Variants in PHC2 observed in about 807,000 individuals in gnomAD.
The protein encoded by PHC2 is polyhomeotic-like protein 2.
Under a neutral mutation model 87.4 loss-of-function variants are expected in PHC2, and 29 were observed. The observed-to-expected ratio is 0.33, with a 90% CI of 0.25 to 0.45. The LOEUF (loss-of-function observed/expected upper bound fraction) is 0.45. PHC2 is among the 20% of genes least tolerant of loss of function. The probability of loss-of-function intolerance (pLI) is 1.00; values close to 1 mark genes in which losing one functional copy is unlikely to be tolerated. For missense variants in PHC2, 857 were observed against 1,136.7 expected (o/e 0.75, Z 3.54); for synonymous variants, 438 against 461.7 (o/e 0.95, Z 0.66).
intron 9 of PHC2, among the ~76,000 whole-genome samples, chr1:33,341,687 C>A (rs1646748242): frequency 6.6e-6 from 1 of 152,224 alleles, no homozygotes; most frequent in Non-Finnish European, 1.5e-5. Context: ...ATTTCCCCCA[C>A]AACGAATTTA....
At chr1:33,329,220 T>A in intron 13 of PHC2, 74 bp from the exon 14 acceptor site, 2 of 1,466,008 alleles carry the variant, frequency 1.4e-6, no homozygotes, top group Non-Finnish European at 1.9e-6. Flanking sequence ...AAGGAGGTAT[T>A]TCTCCTTTTT....
intron 1 of PHC2, among the ~76,000 whole-genome samples, chr1:33,379,353 G>A (rs1285876308): frequency 5.1e-5 from 2 of 39,482 alleles, no homozygotes; most frequent in African/African-American, 1.0e-4. Context: ...ACCGCCCCCT[G>A]CCCCCCCCAT....
chr1:33,374,217 A>G (rs1314491793), intron 2 of PHC2, among the ~76,000 whole-genome samples: 3 of 152,112 alleles, frequency 2.0e-5, no homozygotes, highest in Non-Finnish European at 4.4e-5. Context: ...ATGTCAATGA[A>G]GGGAGACAGG....
chr1:33,375,409 T>G lies in PHC2; in HGVS notation c.131A>C (p.Gln44Pro). Reference protein sequence around the residue: ...SGGSGRPTGPQISVYSGIPDR... With the variant: ...SGGSGRPTGPPISVYSGIPDR... ...TGGAATACCACTGTACACAGAAATCTGGGGCCCGGTGGGGCGGCCACTTCC... is the reference window on the plus strand; with the variant it reads ...TGGAATACCACTGTACACAGAAATCGGGGGCCCGGTGGGGCGGCCACTTCC... The change falls in exon 2 of 15, where the codon CAG (glutamine) becomes CCG (proline). Residue 44 changes from glutamine to proline, a missense_variant. By Grantham distance (76) the Gln-to-Pro change is moderately conservative. Around this residue, in one of 3 missense-constraint regions of PHC2, gnomAD observed 832 missense variants for 1,081.8 expected, o/e 0.77. Transcript: ENST00000683057. The G allele has an allele frequency of 6.2e-7, 1 of 1,610,852 alleles. No homozygotes were observed. Among genetic ancestry groups the G allele is most frequent in the Non-Finnish European group, 8.5e-7 (1 of 1,178,422 alleles).
rs183003660 is a variant in PHC2, at chr1:33,329,691, G to C, written c.2148+380C>G. Reference sequence around the variant, plus strand: ...CAAGAACTCTGTGCTCGCGTGTTCAGGGAGGCAAAAAGGTGGCAAAACAAA... The same window carrying C: ...CAAGAACTCTGTGCTCGCGTGTTCACGGAGGCAAAAAGGTGGCAAAACAAA... On this transcript the variant is annotated intron_variant, in intron 13 of 14. Coordinates refer to ENST00000683057, the MANE Select transcript of PHC2 (RefSeq NM_001385109.1). Among the ~76,000 whole-genome samples, 464 of 152,272 alleles carry C rather than the reference G, an allele frequency of 3.0e-3. 1 individual carries two copies. Among genetic ancestry groups the C allele is most frequent in the African/African-American group, 0.01 (434 of 41,548 alleles).
intron 9 of PHC2, among the ~76,000 whole-genome samples, chr1:33,335,857 G>A (rs916141351): frequency 4.9e-5 from 7 of 142,696 alleles, no homozygotes; most frequent in South Asian, 2.6e-4. Flanking sequence ...CTGAGATCTC[G>A]CCACCCCCCT....
At chr1:33,410,089 C>A (rs1332054736) in intron 1 of PHC2, among the ~76,000 whole-genome samples, 2 of 152,172 alleles carry the variant, frequency 1.3e-5, no homozygotes, top group Admixed American at 1.3e-4. Flanking sequence ...TGGAGAGAAT[C>A]AAACCTGCCC....
At chr1:33,416,573 C>T (rs1328073387) in intron 1 of PHC2, among the ~76,000 whole-genome samples, 9 of 91,698 alleles carry the variant, frequency 9.8e-5, no homozygotes, top group Admixed American at 5.9e-4. Flanking sequence ...GAGATTCTGT[C>T]TCAAAAAAAA....
chr1:33,410,268 G>A (rs1196548703), intron 1 of PHC2, among the ~76,000 whole-genome samples: 6 of 152,242 alleles, frequency 3.9e-5, no homozygotes, highest in African/African-American at 9.6e-5. Flanking sequence ...TTCCTCAGCT[G>A]GCTTTGCTGC....
intron 1 of PHC2, among the ~76,000 whole-genome samples, chr1:33,391,040 T>C (rs1259856171): frequency 6.6e-6 from 1 of 152,226 alleles, no homozygotes; most frequent in African/African-American, 2.4e-5. Flanking sequence ...TCCCCTCTTT[T>C]CTATTCTTAG....
chr1:33,356,253 A>ATGTATATATATATATATATG (rs1647071433), intron 7 of PHC2, among the ~76,000 whole-genome samples: 1 of 50,686 alleles, frequency 2.0e-5, no homozygotes. Flanking sequence ...AAATTCTTAT[A>ATGTATATATATATATATATG]TATATATATA....
At chr1:33,372,167 A>G (rs1336527150) in intron 3 of PHC2, 122 bp downstream of exon 3, 2 of 951,288 alleles carry the variant, frequency 2.1e-6, no homozygotes, top group Non-Finnish European at 3.1e-6. Flanking sequence ...TGTCACAAGG[A>G]CTTCTTTAGG....
rs1272542160 is a variant in PHC2 at position 33,382,217 on chromosome 1, C to T, written c.-54-6624G>A. ...TTTGAACCAGAGCTTTCATATCTCC[C>T]CCTTCACACCTTCCTTCCGCTCAAA... is the stretch of plus-strand genomic sequence containing the variant. On this transcript the variant is annotated intron_variant, in intron 1 of 14. Coordinates refer to ENST00000683057, the MANE Select transcript of PHC2 (RefSeq NM_001385109.1). The surrounding 1 kb of genome is among the most constrained non-coding windows in gnomAD (Gnocchi z 4.3). 6.6e-6 allele frequency among the ~76,000 whole-genome samples: 1 copy of T among 152,068 alleles called. No individual in the cohort carries two copies. The highest frequency in any genetic ancestry group is 1.5e-5 in the Non-Finnish European group (1 of 68,012).
chr1:33,338,168 CT>C (rs1646676429), intron 9 of PHC2, among the ~76,000 whole-genome samples: 2 of 152,326 alleles, frequency 1.3e-5, no homozygotes, highest in South Asian at 4.1e-4. Flanking sequence ...GAAGATCACT[CT>C]TGAGGTCAGA....
chr1:33,367,548 C>CAGAG (rs920017488), intron 6 of PHC2, 120 bp from the exon 7 acceptor site: 1 of 791,304 alleles, frequency 1.3e-6, no homozygotes, highest in East Asian at 2.6e-5. Flanking sequence ...GTTGTCAAAT[C>CAGAG]AGAGAGAGAG....
chr1:33,355,246 A>G lies in PHC2; in HGVS notation c.984T>C (p.Ala328=). Reference sequence around the variant, plus strand: ...GGAGGAGCTGGTGTGGCTGCAGCTGAGCATAGGCTGAAAGGGGAAAGGCCA... The same window carrying G: ...GGAGGAGCTGGTGTGGCTGCAGCTGGGCATAGGCTGAAAGGGGAAAGGCCA... The part of the protein sequence containing the change: ...AAHPLIAPAY[A]QLQPHQLLPQ... Residue 328 remains alanine (A), a synonymous_variant, in exon 8 of 15, where the codon GCT becomes GCC. Transcript: ENST00000683057. The G allele has an allele frequency of 6.4e-7, 1 of 1,568,382 alleles. No individual in the cohort carries two copies. The highest frequency in any genetic ancestry group is 8.7e-7 in the Non-Finnish European group (1 of 1,154,668).
rs368264336 is a variant in PHC2, at chr1:33,368,192, G to A, written c.663+344C>T. ...CTAGCAGCACTACCGTGTGTAACCG[G>A]AGCGGGACTTTCCACTTATGAAGCA... On this transcript the variant is annotated intron_variant, in intron 6 of 14. Transcript: ENST00000683057. The surrounding 1 kb of genome is among the most constrained non-coding windows in gnomAD (Gnocchi z 6.6). Among the ~76,000 whole-genome samples the A allele has an allele frequency of 6.6e-6, 1 of 152,320 alleles. No homozygotes were observed. The highest frequency in any genetic ancestry group is 1.9e-4 in the East Asian group (1 of 5,180).
At chr1:33,372,712 T>C (rs1250589751) in intron 2 of PHC2, among the ~76,000 whole-genome samples, 1 of 152,186 alleles carries the variant, frequency 6.6e-6, no homozygotes, top group African/African-American at 2.4e-5. Flanking sequence ...ATCAACTGCC[T>C]CGGTGAGGAG....
In PHC2 at chr1:33,354,723, C is replaced by T. The variant is rs1336462297; in HGVS notation, c.1392+115G>A. On this transcript the variant is annotated intron_variant, in intron 8 of 14. Transcript: ENST00000683057. ...GGCCCTCTCTTCCTTCTTGGAATCCCCAAAGATGACTTCACCCGTCAGCCT... is the reference window on the plus strand; with the variant it reads ...GGCCCTCTCTTCCTTCTTGGAATCCTCAAAGATGACTTCACCCGTCAGCCT... 5.1e-6 allele frequency: 7 copies of T among 1,366,740 alleles called. No homozygotes were observed. The African/African-American group carries it at 5.7e-5, about 11-fold the overall frequency. 84.7% of individuals were successfully genotyped at this position (1,366,740 alleles called of 1,614,324 possible).
Sources: allele counts gnomAD v4.1 joint callset (sites outside exome capture counted in the v4.1 genomes callset), GRCh38; gene constraint gnomAD v4.1.1; regional missense constraint gnomAD v4.1.1; non-coding constraint Gnocchi (gnomAD v3.1); transcripts MANE v1.5; gene names NCBI Gene and HGNC (gene_info 2026-07-23, HGNC 2026-07-21).